The following ADAD1 variants were observed in gnomAD, a reference collection of about 807,000 sequenced individuals.
The protein encoded by ADAD1 is adenosine deaminase domain containing 1.
ADAD1 carries 46 observed loss-of-function variants against 66.8 expected under a neutral mutation model. That is an observed-to-expected ratio of 0.69 (90% confidence interval 0.54 to 0.88). ADAD1 has a LOEUF of 0.88. Among genes scored for constraint, ADAD1 ranks in the 40% least tolerant of loss-of-function variants. The probability of loss-of-function intolerance (pLI) is 0.00; values close to 1 mark genes in which losing one functional copy is unlikely to be tolerated. For missense variants in ADAD1, 617 were observed against 681.8 expected (o/e 0.91, Z 1.06); for synonymous variants, 248 against 229.4 (o/e 1.08, Z -0.73).
chr4:122,399,253 T>G (rs968117769), intron 7 of ADAD1, among the ~76,000 whole-genome samples: 3 of 152,150 alleles, frequency 2.0e-5, no homozygotes, highest in Non-Finnish European at 2.9e-5. Flanking sequence ...ATGTATTTGT[T>G]TGCTGTGTCA....
intron 6 of ADAD1, 98 bp downstream of exon 6, chr4:122,393,755 T>C: frequency 1.1e-6 from 1 of 872,458 alleles, no homozygotes; most frequent in Non-Finnish European, 1.7e-6. Flanking sequence ...AAATGTACAT[T>C]AACACTTTAT....
At chr4:122,388,625 A>G (rs776413241) in intron 5 of ADAD1, among the ~76,000 whole-genome samples, 42 of 151,916 alleles carry the variant, frequency 2.8e-4, no homozygotes, top group Non-Finnish European at 4.9e-4. Flanking sequence ...GAATTTATCT[A>G]TTTCTTCCAG....
chr4:122,429,719 A>G lies in ADAD1; in HGVS notation c.1711A>G (p.Ile571Val), dbSNP rs1331601314. Residue 571 changes from isoleucine to valine, a missense_variant, in exon 13 of 13, where the codon ATA (isoleucine) becomes GTA (valine). Transcript: ENST00000296513. ...YGSWIVKSPC[I>V]EQFNM ...ATCCTGGATTGTGAAATCTCCCTGC[A>G]TAGAGCAATTTAACATGTGAAATAG... The G allele has an allele frequency of 1.9e-6, 3 of 1,609,494 alleles. No homozygotes were observed. Among genetic ancestry groups the G allele is most frequent in the Non-Finnish European group, 2.5e-6 (3 of 1,176,862 alleles).
chr4:122,408,749 G>A lies in ADAD1; in HGVS notation c.848+718G>A, dbSNP rs372771843. 2.6e-5 allele frequency among the ~76,000 whole-genome samples: 4 copies of A among 152,088 alleles called. No individual in the cohort carries two copies. The East Asian group carries it at 5.8e-4, about 22-fold the overall frequency. Reference sequence around the variant, plus strand: ...AAAAATAAAATTAACCAGGTATGGTGGCACACAACTGTAGTCCCATCTACT... The same window carrying A: ...AAAAATAAAATTAACCAGGTATGGTAGCACACAACTGTAGTCCCATCTACT... On this transcript the variant is annotated intron_variant, in intron 8 of 12. Coordinates refer to ENST00000296513, the MANE Select transcript of ADAD1 (RefSeq NM_139243.4).
chr4:122,400,786 T>C (rs1429743819), intron 7 of ADAD1, among the ~76,000 whole-genome samples: 8 of 152,098 alleles, frequency 5.3e-5, no homozygotes, highest in African/African-American at 1.9e-4. Context: ...AGTTTGTGCA[T>C]GTGAAAGTGT....
At chr4:122,400,398 A>G (rs6825980) in intron 7 of ADAD1, among the ~76,000 whole-genome samples, 12,944 of 152,068 alleles carry the variant, frequency 0.085, 1,875 homozygotes, top group African/African-American at 0.29. Context: ...TCTTGGATTC[A>G]GTTAGCTAGT....
chr4:122,404,630 A>G (rs557441728), intron 7 of ADAD1, among the ~76,000 whole-genome samples: 1 of 152,262 alleles, frequency 6.6e-6, no homozygotes, highest in South Asian at 2.1e-4. Flanking sequence ...TTCTTGGAGT[A>G]AAAGTTCATG....
In ADAD1 at chr4:122,381,169, CTG is replaced by C. The variant is rs1364436876; in HGVS notation, c.353_354del (p.Val118AspfsTer4). ...CGAGTTCAGCTTGACCTTAAGGAAA[CTG>C]TGACAACAGGCAAGTGTAAAATTGT... On this transcript the variant is annotated frameshift_variant, in exon 4 of 13. Coordinates refer to ENST00000296513, the MANE Select transcript of ADAD1 (RefSeq NM_139243.4). LOFTEE classifies it high-confidence loss of function. 1 of 1,556,574 alleles carries C rather than the reference CTG, an allele frequency of 6.4e-7. No homozygotes were observed. The highest frequency in any genetic ancestry group is 8.6e-7 in the Non-Finnish European group (1 of 1,163,306).
At chr4:122,389,484 G>C (rs562017493) in intron 5 of ADAD1, among the ~76,000 whole-genome samples, 1 of 152,254 alleles carries the variant, frequency 6.6e-6, no homozygotes, top group Non-Finnish European at 1.5e-5. Context: ...TATTGTGTGG[G>C]ACTTTAAGTC....
intron 5 of ADAD1, among the ~76,000 whole-genome samples, chr4:122,387,278 G>A (rs376744891): frequency 6.6e-6 from 1 of 152,048 alleles, no homozygotes; most frequent in Non-Finnish European, 1.5e-5. Flanking sequence ...GTATTCCTAG[G>A]TATTTTATTC....
Position 122,415,407 on chromosome 4 carries a change from C to T in ADAD1, c.1278C>T (p.Gly426=). The T allele has an allele frequency of 6.2e-7, 1 of 1,613,670 alleles. No individual in the cohort carries two copies. The change falls in exon 11 of 13, where the codon GGC becomes GGT. Residue 426 remains glycine, a synonymous_variant. Coordinates refer to ENST00000296513, the MANE Select transcript of ADAD1 (RefSeq NM_139243.4). ...IGDGNCSDTR[G]LEIAIKQRVD... is the part of the protein sequence containing the mutation. ...ATGGGAATTGCAGTGATACCAGAGGCTTAGAAATCGCTATAAAGCAACGTG... is the reference window on the plus strand; with the variant it reads ...ATGGGAATTGCAGTGATACCAGAGGTTTAGAAATCGCTATAAAGCAACGTG...
intron 7 of ADAD1, among the ~76,000 whole-genome samples, chr4:122,398,745 T>C (rs1156601409): frequency 6.6e-6 from 1 of 152,140 alleles, no homozygotes; most frequent in African/African-American, 2.4e-5. Context: ...TGAGTATTTT[T>C]CATATATTTT....
chr4:122,415,025 C>G (rs1271366183), intron 10 of ADAD1, among the ~76,000 whole-genome samples: 9 of 152,110 alleles, frequency 5.9e-5, no homozygotes, highest in Non-Finnish European at 1.5e-5. Flanking sequence ...ACTGTACTTG[C>G]AAGAAATCAG....
chr4:122,400,712 T>C (rs1795934132), intron 7 of ADAD1, among the ~76,000 whole-genome samples: 1 of 152,168 alleles, frequency 6.6e-6, no homozygotes, highest in African/African-American at 2.4e-5. Context: ...GTTTTATTTC[T>C]TCCTGGCTTA....
intron 11 of ADAD1, among the ~76,000 whole-genome samples, chr4:122,417,331 C>T (rs1796782816): frequency 7.3e-6 from 1 of 136,128 alleles, no homozygotes; most frequent in Non-Finnish European, 1.5e-5. Context: ...AGTGAGCCTC[C>T]ATCTTTAAAA....
chr4:122,380,460 C>CAA, intron 3 of ADAD1: 1 of 547,390 alleles, frequency 1.8e-6, no homozygotes, highest in Non-Finnish European at 3.1e-6. Context: ...CTTGACTGTT[C>CAA]AAACCCCCCC....
chr4:122,398,982 A>T (rs28783150), intron 7 of ADAD1, among the ~76,000 whole-genome samples: 4,884 of 151,968 alleles, frequency 0.032, 263 homozygotes, highest in African/African-American at 0.11. Context: ...TTTAAGCCTC[A>T]TCTGTTTATC....
At chr4:122,418,827 T>C (rs1174282833) in intron 11 of ADAD1, among the ~76,000 whole-genome samples, 1 of 152,188 alleles carries the variant, frequency 6.6e-6, no homozygotes, top group Non-Finnish European at 1.5e-5. Context: ...AAAGCCACAA[T>C]GAGATACTAT....
chr4:122,403,318 C>T (rs1796060120), intron 7 of ADAD1, among the ~76,000 whole-genome samples: 1 of 152,174 alleles, frequency 6.6e-6, no homozygotes, highest in South Asian at 2.1e-4. Flanking sequence ...TGGAGAACGT[C>T]TGCAAAGAGT....
Sources: allele counts gnomAD v4.1 joint callset (sites outside exome capture counted in the v4.1 genomes callset), GRCh38; gene constraint gnomAD v4.1.1; transcripts MANE v1.5; gene names NCBI Gene and HGNC (gene_info 2026-07-23, HGNC 2026-07-21).